FRMD8: variants seen among roughly 807,000 people sequenced by gnomAD.
The protein encoded by FRMD8 is FERM domain-containing protein 8.
FRMD8 carries 37 observed loss-of-function variants against 54.2 expected under a neutral mutation model. The ratio of observed to expected loss-of-function variants is 0.68; its 90% CI spans 0.53 to 0.90. The LOEUF (loss-of-function observed/expected upper bound fraction) is 0.90, where lower values mean the gene tolerates loss of function less well. Among genes scored for constraint, FRMD8 ranks in the 40% least tolerant of loss-of-function variants. The pLI is 0.00. For synonymous variants in FRMD8, 246 were observed against 286.9 expected, an observed-to-expected ratio of 0.86 and a Z score of 1.44; for missense variants, 585 against 653.7, an observed-to-expected ratio of 0.89 and a Z score of 1.15.
chr11:65,387,242 G>A, intron 2 of FRMD8, 121 bp downstream of exon 2: 1 of 889,414 alleles, frequency 1.1e-6, no homozygotes, highest in Non-Finnish European at 1.8e-6. Flanking sequence ...AAATAATAAG[G>A]TACATTCAGA....
chr11:65,408,254 A>G (rs1485192316), intron 10 of FRMD8, among the ~76,000 whole-genome samples: 3 of 151,756 alleles, frequency 2.0e-5, no homozygotes, highest in Non-Finnish European at 2.9e-5. Flanking sequence ...TTGTATTTTT[A>G]GTAGAGACGG....
At chr11:65,398,256 C>T (rs1855999252) in intron 7 of FRMD8, among the ~76,000 whole-genome samples, 1 of 152,194 alleles carries the variant, frequency 6.6e-6, no homozygotes, top group Admixed American at 6.5e-5. Context: ...CCTCAGCCTC[C>T]CACAGCACTG....
At position 65,400,011 on chromosome 11, in the gene FRMD8, T is replaced by C; in HGVS notation, c.927+152T>C. The C allele has an allele frequency of 1.1e-6, 1 of 915,692 alleles. No homozygotes were observed. Among genetic ancestry groups the C allele is most frequent in the African/African-American group, 1.7e-5 (1 of 59,074 alleles). The allele number at this position is 915,692 out of a possible 1,614,324, so 56.7% of individuals were successfully genotyped here. On this transcript the variant is annotated intron_variant, in intron 8 of 10. Transcript: ENST00000317568. This position sits in a 1 kb window ranked among gnomAD's most constrained non-coding sequence, Gnocchi z 4.3. ...CTCCGTTGGATGTCCTCGTAGCCCC[T>C]GAGGGTGATCCTGGGTCCTCTTGCC...
intron 1 of FRMD8, 67 bp from the exon 2 acceptor site, chr11:65,386,970 G>C: frequency 1.4e-6 from 2 of 1,402,128 alleles, no homozygotes; most frequent in Non-Finnish European, 2.0e-6. Flanking sequence ...CTCACCGAGA[G>C]CTTGAGGAGA....
At chr11:65,401,210 C>T (rs184221288) in intron 9 of FRMD8, among the ~76,000 whole-genome samples, 36 of 152,142 alleles carry the variant, frequency 2.4e-4, no homozygotes, top group African/African-American at 7.5e-4. Context: ...CAGTCACCTG[C>T]GGTGGGCGTG....
In FRMD8 at chr11:65,394,435, T is replaced by C; in HGVS notation, c.581+10T>C. ...CAGCCTGCGACCTGAGGTGAGGGCC[T>C]GTGTGACTTGAGGCGGGGGCGCTGG... On this transcript the variant is annotated intron_variant, in intron 6 of 10. Transcript: ENST00000317568. 3 of 1,562,244 alleles carry C rather than the reference T, an allele frequency of 1.9e-6. No individual in the cohort carries two copies. The highest frequency in any genetic ancestry group is 1.7e-6 in the Non-Finnish European group (2 of 1,157,104).
chr11:65,388,466 T>C (rs1372820937), intron 2 of FRMD8, among the ~76,000 whole-genome samples: 2 of 152,118 alleles, frequency 1.3e-5, no homozygotes, highest in Non-Finnish European at 2.9e-5. Context: ...GGAGGAGTAT[T>C]AGCTCTACTT....
intron 9 of FRMD8, among the ~76,000 whole-genome samples, chr11:65,402,041 G>A (rs1229296312): frequency 6.6e-6 from 1 of 151,944 alleles, no homozygotes; most frequent in East Asian, 1.9e-4. Context: ...TTGTTTCGGT[G>A]TCGTTTGTTG....
chr11:65,372,689 G>T, the FRMD8 span, among the ~76,000 whole-genome samples: 1 of 152,144 alleles, frequency 6.6e-6, no homozygotes, highest in Non-Finnish European at 1.5e-5. Context: ...CAGACAGAGG[G>T]GCACCCAAAT....
At position 65,405,078 on chromosome 11, in the gene FRMD8, C is replaced by T. The variant is rs1204240006; in HGVS notation, c.1276+10C>T. 6 of 1,612,872 alleles carry T rather than the reference C, an allele frequency of 3.7e-6. No homozygotes were observed. The highest frequency in any genetic ancestry group is 5.1e-6 in the Non-Finnish European group (6 of 1,179,568). ...GACTACGTGGAGGACGGTGAGCAGC[C>T]CTTCTGTGCATGTGCACACACAAAC... On this transcript the variant is annotated intron_variant, in intron 10 of 10. Transcript: ENST00000317568.
chr11:65,406,697 T>G (rs1249026504), intron 10 of FRMD8, among the ~76,000 whole-genome samples: 1 of 151,804 alleles, frequency 6.6e-6, no homozygotes. Flanking sequence ...CCTAGCACAT[T>G]GGGAGACCAA....
chr11:65,371,309 T>A, the FRMD8 span, among the ~76,000 whole-genome samples: 3 of 152,134 alleles, frequency 2.0e-5, no homozygotes, highest in Non-Finnish European at 1.5e-5. Flanking sequence ...ACTATACACA[T>A]AAGTTAGTCT....
chr11:65,413,121 TG>T lies in FRMD8; in HGVS notation c.*1764del, dbSNP rs1856373123. On this transcript the variant is annotated 3_prime_UTR_variant, in exon 11 of 11. Transcript: ENST00000317568. Reference sequence around the variant, plus strand: ...CTCCTGCCTCAGCCTCCTGAGTAGCTGGGATTACAGGTGCATGCCACCAGGC... The same window carrying T: ...CTCCTGCCTCAGCCTCCTGAGTAGCTGGATTACAGGTGCATGCCACCAGGC... 1 of 152,354 alleles carries T rather than the reference TG, an allele frequency of 6.6e-6. No homozygotes were observed. Among genetic ancestry groups the T allele is most frequent in the Non-Finnish European group, 1.5e-5 (1 of 68,142 alleles). 9.4% of individuals were successfully genotyped at this position (152,354 alleles called of 1,614,324 possible).
At chr11:65,395,057 G>C (rs1258715013) in intron 6 of FRMD8, among the ~76,000 whole-genome samples, 1 of 151,376 alleles carries the variant, frequency 6.6e-6, no homozygotes, top group Non-Finnish European at 1.5e-5. Context: ...GACCAGCCTG[G>C]CCAACATGGT....
chr11:65,405,516 G>C (rs1327966991), intron 10 of FRMD8, among the ~76,000 whole-genome samples: 1 of 152,144 alleles, frequency 6.6e-6, no homozygotes, highest in African/African-American at 2.4e-5. Context: ...CCAGCTACTC[G>C]GGAGGCTGAG....
At chr11:65,380,483 T>G in the FRMD8 span, 12 of 1,314,866 alleles carry the variant, frequency 9.1e-6, no homozygotes, top group Middle Eastern at 1.9e-4. Flanking sequence ...TACCCGGGTA[T>G]CCCACCGCCT....
Position 65,399,875 on chromosome 11 carries a change from C to T in FRMD8, c.927+16C>T. ...CAGAGAGAAGGTACTGCCCCCAGCT[C>T]CTCCAGGGTGGAGAGGATGGGAGGG... is the stretch of plus-strand genomic sequence containing the variant. On this transcript the variant is annotated intron_variant, in intron 8 of 10. Coordinates refer to ENST00000317568, the MANE Select transcript of FRMD8 (RefSeq NM_031904.5). The T allele has an allele frequency of 6.2e-7, 1 of 1,606,688 alleles. No individual in the cohort carries two copies. Among genetic ancestry groups the T allele is most frequent in the African/African-American group, 1.3e-5 (1 of 74,918 alleles).
chr11:65,381,731 T>C, upstream of FRMD8: 1 of 669,050 alleles, frequency 1.5e-6, no homozygotes, highest in East Asian at 2.8e-5. Context: ...ATTATTTTGA[T>C]TTTTTTGTAG....
At chr11:65,380,178 G>A in the FRMD8 span, 1 of 1,614,186 alleles carries the variant, frequency 6.2e-7, no homozygotes, top group East Asian at 2.2e-5. Flanking sequence ...CAGAGCGCCT[G>A]TGGTGACAAG....
Sources: allele counts gnomAD v4.1 joint callset (sites outside exome capture counted in the v4.1 genomes callset), GRCh38; gene constraint gnomAD v4.1.1; non-coding constraint Gnocchi (gnomAD v3.1); transcripts MANE v1.5; gene names NCBI Gene and HGNC (gene_info 2026-07-23, HGNC 2026-07-21).